DPYD: variants seen among roughly 807,000 people sequenced by gnomAD.
The protein encoded by DPYD is dihydropyrimidine dehydrogenase [NADP(+)].
DPYD carries 109 observed loss-of-function variants against 116.2 expected under a neutral mutation model. The observed-to-expected ratio is 0.94, with a 90% CI of 0.80 to 1.10. DPYD has a LOEUF of 1.10. DPYD is among the 50% of genes least tolerant of loss of function. The probability of loss-of-function intolerance (pLI) is 0.00; values close to 1 mark genes in which losing one functional copy is unlikely to be tolerated. For synonymous variants in DPYD, 440 were observed against 432.0 expected (o/e 1.02, Z -0.23); for missense variants, 1,302 against 1,254.5 (o/e 1.04, Z -0.57).
intron 10 of DPYD, among the ~76,000 whole-genome samples, chr1:97,574,363 G>C (rs1653124919): frequency 6.6e-6 from 1 of 151,848 alleles, no homozygotes; most frequent in South Asian, 2.1e-4. Flanking sequence ...TTATTACCAG[G>C]TTGCATACAT....
At chr1:97,275,373 C>A (rs1159233338) in intron 18 of DPYD, among the ~76,000 whole-genome samples, 2 of 152,156 alleles carry the variant, frequency 1.3e-5, no homozygotes. Flanking sequence ...TGACAGGTAC[C>A]AAATTTTCTA....
intron 21 of DPYD, among the ~76,000 whole-genome samples, chr1:97,097,719 T>G (rs1650367137): frequency 6.6e-6 from 1 of 152,126 alleles, no homozygotes; most frequent in Admixed American, 6.6e-5. Context: ...CCTCCATACA[T>G]GACAAAATTG....
At chr1:97,251,776 G>T (rs930704568) in intron 18 of DPYD, among the ~76,000 whole-genome samples, 2 of 152,066 alleles carry the variant, frequency 1.3e-5, no homozygotes, top group Non-Finnish European at 2.9e-5. Flanking sequence ...CCTCTAAATC[G>T]TAACTCTTGA....
At chr1:97,145,006 G>A (rs2101703850) in intron 20 of DPYD, among the ~76,000 whole-genome samples, 1 of 152,232 alleles carries the variant, frequency 6.6e-6, no homozygotes, top group African/African-American at 2.4e-5. Flanking sequence ...TGATGGTGGT[G>A]GTGGTGCTGG....
intron 9 of DPYD, 54 bp downstream of exon 9, chr1:97,595,005 A>G: frequency 7.4e-7 from 1 of 1,351,350 alleles, no homozygotes. Flanking sequence ...ATATTAATTT[A>G]TCATAAATAA....
intron 18 of DPYD, among the ~76,000 whole-genome samples, chr1:97,267,407 G>C (rs1490068995): frequency 6.6e-6 from 1 of 152,118 alleles, no homozygotes; most frequent in African/African-American, 2.4e-5. Context: ...TTGAAGATCA[G>C]ATTCATTTCT....
intron 8 of DPYD, among the ~76,000 whole-genome samples, chr1:97,674,949 T>C (rs1277574588): frequency 6.6e-6 from 1 of 152,196 alleles, no homozygotes. Context: ...TCAGAGCCCT[T>C]ACATTGTATA....
At chr1:97,366,952 G>A (rs775946773) in intron 16 of DPYD, among the ~76,000 whole-genome samples, 4 of 152,048 alleles carry the variant, frequency 2.6e-5, no homozygotes, top group Non-Finnish European at 2.9e-5. Flanking sequence ...TGACTTTTCA[G>A]CTGTTTTGGT....
At chr1:97,817,943 A>G (rs187592860) in intron 3 of DPYD, among the ~76,000 whole-genome samples, 1 of 152,214 alleles carries the variant, frequency 6.6e-6, no homozygotes, top group Non-Finnish European at 1.5e-5. Context: ...GTCTGTATCT[A>G]AAATGATAAG....
chr1:97,721,669 G>T lies in DPYD; in HGVS notation c.324C>A (p.Asn108Lys), dbSNP rs762430779. 13 of 1,610,582 alleles carry T rather than the reference G, an allele frequency of 8.1e-6. No homozygotes were observed. The highest frequency in any genetic ancestry group is 1.1e-5 in the Non-Finnish European group (13 of 1,177,762). The part of the protein sequence containing the change: ...KSFITSIANK[N>K]YYGAAKMIFS... ...ATATCATCTTAGCAGCTCCATAATAGTTCTGCAAAATTAATACAAAATAAA... is the reference window on the plus strand; with the variant it reads ...ATATCATCTTAGCAGCTCCATAATATTTCTGCAAAATTAATACAAAATAAA... Residue 108 changes from asparagine (N) to lysine (K), a missense_variant and splice_region_variant, in exon 5 of 23, where the codon AAC becomes AAA. By Grantham distance (94) the Asn-to-Lys change is moderately conservative. Transcript: ENST00000370192.
At chr1:97,869,317 T>C (rs2101612410) in intron 2 of DPYD, among the ~76,000 whole-genome samples, 1 of 151,846 alleles carries the variant, frequency 6.6e-6, no homozygotes, top group South Asian at 2.1e-4. Context: ...GAAGTATACA[T>C]CACAGTCAAA....
At chr1:97,457,657 C>G (rs532712182) in intron 13 of DPYD, among the ~76,000 whole-genome samples, 2 of 152,244 alleles carry the variant, frequency 1.3e-5, no homozygotes, top group African/African-American at 2.4e-5. Flanking sequence ...ACAGTCAAAA[C>G]AAAAGTTGTG....
intron 3 of DPYD, among the ~76,000 whole-genome samples, chr1:97,812,798 A>T (rs530989934): frequency 6.6e-6 from 1 of 152,258 alleles, no homozygotes; most frequent in South Asian, 2.1e-4. Flanking sequence ...TATAGGTTTC[A>T]AAGAGTATAC....
At chr1:97,530,509 G>A (rs1327162511) in intron 12 of DPYD, among the ~76,000 whole-genome samples, 4 of 152,202 alleles carry the variant, frequency 2.6e-5, no homozygotes, top group South Asian at 4.1e-4. Context: ...GAGCCACCGC[G>A]CCTGGCCATT....
chr1:97,372,098 G>A (rs1438804008), intron 16 of DPYD, among the ~76,000 whole-genome samples: 2 of 152,124 alleles, frequency 1.3e-5, no homozygotes, highest in Non-Finnish European at 2.9e-5. Context: ...AACTCAGGTG[G>A]GACTAGGGCA....
rs924690401 is a variant in DPYD, at chr1:97,428,077, A to G, written c.1905+21982T>C. Among the ~76,000 whole-genome samples the G allele has an allele frequency of 3.3e-5, 5 of 152,178 alleles. No homozygotes were observed. The East Asian group carries it at 7.7e-4, about 23-fold the overall frequency. Reference sequence around the variant, plus strand: ...TGTAACAATACAATAAAAGTTATACATTACGAAAGTGATTTCTGAGCCTCA... The same window carrying G: ...TGTAACAATACAATAAAAGTTATACGTTACGAAAGTGATTTCTGAGCCTCA... On this transcript the variant is annotated intron_variant, in intron 14 of 22. Coordinates refer to ENST00000370192, the MANE Select transcript of DPYD (RefSeq NM_000110.4).
intron 1 of DPYD, among the ~76,000 whole-genome samples, chr1:97,903,278 G>C (rs1383585406): frequency 1.3e-5 from 2 of 151,762 alleles, no homozygotes; most frequent in Non-Finnish European, 2.9e-5. Context: ...GATTTCTTTT[G>C]CTTTAAAATT....
chr1:97,143,045 T>C (rs1248131274), intron 20 of DPYD, among the ~76,000 whole-genome samples: 1 of 152,052 alleles, frequency 6.6e-6, no homozygotes, highest in South Asian at 2.1e-4. Context: ...GGTATTATCA[T>C]AGCTTTTTTT....
At chr1:97,483,754 G>T (rs1046241550) in intron 13 of DPYD, among the ~76,000 whole-genome samples, 2 of 152,122 alleles carry the variant, frequency 1.3e-5, no homozygotes, top group Admixed American at 6.5e-5. Flanking sequence ...GCTGAAAGAG[G>T]CTTCAAGCAG....
Sources: allele counts gnomAD v4.1 joint callset (sites outside exome capture counted in the v4.1 genomes callset), GRCh38; gene constraint gnomAD v4.1.1; transcripts MANE v1.5; gene names NCBI Gene and HGNC (gene_info 2026-07-23, HGNC 2026-07-21).